The following SSBP3 variants were observed in gnomAD, a reference collection of about 807,000 sequenced individuals.
The protein encoded by SSBP3 is single stranded DNA binding protein 3, also known as single-stranded DNA-binding protein 3.
Under a neutral mutation model 69.6 loss-of-function variants are expected in SSBP3, and 5 were observed. The ratio of observed to expected loss-of-function variants is 0.07; its 90% confidence interval spans 0.04 to 0.15. The LOEUF is 0.15. SSBP3 is among the 10% of genes least tolerant of loss of function. The pLI is 1.00. For synonymous variants in SSBP3, 196 were observed against 193.4 expected (o/e 1.01, Z -0.11); for missense variants, 312 against 534.0 (o/e 0.58, Z 4.10).
intron 6 of SSBP3, among the ~76,000 whole-genome samples, chr1:54,257,540 C>G (rs780939072): frequency 1.3e-5 from 2 of 152,130 alleles, no homozygotes; most frequent in Non-Finnish European, 2.9e-5. Flanking sequence ...AGGACTGATA[C>G]GTAACATCTT....
chr1:54,317,918 A>G (rs1174764471), intron 4 of SSBP3, among the ~76,000 whole-genome samples: 1 of 152,148 alleles, frequency 6.6e-6, no homozygotes, highest in Non-Finnish European at 1.5e-5. Context: ...GCTGCCTGCC[A>G]CCACGCCTGG....
In SSBP3 at chr1:54,228,000, C is replaced by T. The variant is rs548240191; in HGVS notation, c.1137+255G>A. Among the ~76,000 whole-genome samples the T allele has an allele frequency of 1.5e-3, 232 of 152,318 alleles. 2 individuals are homozygous for T. The highest frequency in any genetic ancestry group is 5.4e-3 in the African/African-American group (225 of 41,574). ...CAACTCTCTCAGCCCAGGGCTCTCC[C>T]GGCCGTATCAGCTTAATCAGTGCCA... On this transcript the variant is annotated intron_variant, in intron 17 of 17. Transcript: ENST00000610401.
intron 4 of SSBP3, among the ~76,000 whole-genome samples, chr1:54,293,474 G>A (rs1294896875): frequency 1.3e-5 from 2 of 152,080 alleles, no homozygotes; most frequent in African/African-American, 4.8e-5. Flanking sequence ...ACAAAGGAAG[G>A]TCTTTACAAA....
At chr1:54,367,215 C>T (rs1033691374) in intron 4 of SSBP3, among the ~76,000 whole-genome samples, 11 of 152,086 alleles carry the variant, frequency 7.2e-5, no homozygotes, top group African/African-American at 2.7e-4. Flanking sequence ...AAGATAGGTG[C>T]GGGGGAGAAT....
chr1:54,375,393 G>A (rs1011677293), intron 4 of SSBP3, among the ~76,000 whole-genome samples: 1 of 152,136 alleles, frequency 6.6e-6, no homozygotes, highest in African/African-American at 2.4e-5. Flanking sequence ...GATGTGTGGT[G>A]GACCAGCCAG....
intron 4 of SSBP3, among the ~76,000 whole-genome samples, chr1:54,318,015 G>A (rs1356756723): frequency 6.6e-6 from 1 of 152,176 alleles, no homozygotes; most frequent in Non-Finnish European, 1.5e-5. Context: ...TGATCCACCT[G>A]CTTTGGCCTC....
At chr1:54,254,098 T>C (rs1644878351) in intron 7 of SSBP3, among the ~76,000 whole-genome samples, 1 of 152,106 alleles carries the variant, frequency 6.6e-6, no homozygotes. Context: ...CCCTCAAACT[T>C]AAGGAGGAAA....
intron 4 of SSBP3, among the ~76,000 whole-genome samples, chr1:54,315,727 T>G (rs1037046872): frequency 3.3e-5 from 5 of 151,832 alleles, no homozygotes; most frequent in Admixed American, 1.3e-4. Context: ...AGTTCCACAA[T>G]CACAGCTCAC....
intron 4 of SSBP3, among the ~76,000 whole-genome samples, chr1:54,394,550 C>T (rs1035833067): frequency 2.0e-5 from 3 of 152,116 alleles, no homozygotes; most frequent in Non-Finnish European, 4.4e-5. Context: ...GTCTTATTCT[C>T]CTGGTCTGGG....
intron 4 of SSBP3, among the ~76,000 whole-genome samples, chr1:54,398,816 T>A (rs887790426): frequency 6.6e-6 from 1 of 152,296 alleles, no homozygotes. Context: ...GTTCCCCCAA[T>A]GCTCCCGTTG....
chr1:54,369,218 C>G lies in SSBP3; in HGVS notation c.276+32643G>C, dbSNP rs975218828. Among the ~76,000 whole-genome samples, 149 of 124,728 alleles carry G rather than the reference C, an allele frequency of 1.2e-3. 3 individuals are homozygous for G. The highest frequency in any genetic ancestry group is 9.4e-3 in the Middle Eastern group (2 of 212). The allele number at this position is 124,728 out of a possible 152,430, so 81.8% of individuals were successfully genotyped here. On this transcript the variant is annotated intron_variant, in intron 4 of 17. Transcript: ENST00000610401. ...CACATGGGAAAAAGTCCTCTTGAGT[C>G]GGGGGGGGGGCCCAAGCCAGGCTCC...
At chr1:54,268,884 G>A (rs1462015191) in intron 5 of SSBP3, among the ~76,000 whole-genome samples, 1 of 152,162 alleles carries the variant, frequency 6.6e-6, no homozygotes, top group Non-Finnish European at 1.5e-5. Context: ...TGGTGCTGCT[G>A]GAAAAGCCCC....
chr1:54,367,993 T>A (rs572073426), intron 4 of SSBP3, among the ~76,000 whole-genome samples: 1 of 152,082 alleles, frequency 6.6e-6, no homozygotes, highest in Non-Finnish European at 1.5e-5. Context: ...GCATAACATA[T>A]ACTCATTTAA....
intron 4 of SSBP3, among the ~76,000 whole-genome samples, chr1:54,372,891 T>C (rs934459602): frequency 6.6e-6 from 1 of 152,242 alleles, no homozygotes; most frequent in Non-Finnish European, 1.5e-5. Flanking sequence ...CCTCCCTGAC[T>C]CCAGCAGACC....
chr1:54,278,326 C>CTTT (rs57603297), intron 5 of SSBP3, among the ~76,000 whole-genome samples: 4 of 145,290 alleles, frequency 2.8e-5, no homozygotes, highest in African/African-American at 1.0e-4. Flanking sequence ...AATATTAGGG[C>CTTT]TTTTTTTTTT....
rs938841277 is a variant in SSBP3 at position 54,258,268 on chromosome 1, G to A, written c.367-119C>T. On this transcript the variant is annotated intron_variant, in intron 5 of 17. Transcript: ENST00000610401. This position sits in a 1 kb window ranked among gnomAD's most constrained non-coding sequence, Gnocchi z 4.5. ...GGGTGGGCGGCGGGCGTGCGGGGGG[G>A]TGGGCTCTGGTTGGTGGGAGGTGGT... 8.6e-6 allele frequency: 6 copies of A among 694,352 alleles called. No homozygotes were observed. The highest frequency in any genetic ancestry group is 4.2e-4 in the Middle Eastern group (1 of 2,370). The allele number at this position is 694,352 out of a possible 1,614,324, so 43.0% of individuals were successfully genotyped here. A position where few individuals can be genotyped will look rare whatever the true frequency, so the allele number is the denominator to read the frequency against.
chr1:54,395,102 GCA>G (rs1222373442), intron 4 of SSBP3, among the ~76,000 whole-genome samples: 1 of 151,578 alleles, frequency 6.6e-6, no homozygotes, highest in Non-Finnish European at 1.5e-5. Context: ...AAAAAATCAG[GCA>G]CAGTCTGAGC....
intron 17 of SSBP3, among the ~76,000 whole-genome samples, chr1:54,228,014 TA>T (rs915516474): frequency 2.6e-5 from 4 of 152,194 alleles, no homozygotes; most frequent in Admixed American, 2.6e-4. Flanking sequence ...CGTATCAGCT[TA>T]ATCAGTGCCA....
At chr1:54,411,133 G>A (rs1280593091), upstream of SSBP3, among the ~76,000 whole-genome samples, 3 of 152,234 alleles carry the variant, frequency 2.0e-5, no homozygotes, top group Non-Finnish European at 4.4e-5. Flanking sequence ...AAGCACCCAT[G>A]TGCTCAGCCT....
Sources: allele counts gnomAD v4.1 joint callset (sites outside exome capture counted in the v4.1 genomes callset), GRCh38; gene constraint gnomAD v4.1.1; non-coding constraint Gnocchi (gnomAD v3.1); transcripts MANE v1.5; gene names NCBI Gene and HGNC (gene_info 2026-07-23, HGNC 2026-07-21).